Variants in DSG3 observed in about 807,000 individuals in gnomAD.
The protein encoded by DSG3 is desmoglein-3.
DSG3 carries 63 observed loss-of-function variants against 85.9 expected under a neutral mutation model. That is an observed-to-expected ratio of 0.73 (90% CI 0.60 to 0.90). The LOEUF is 0.90. Ranked by LOEUF, DSG3 falls within the 40% of genes least tolerant of loss-of-function variation. DSG3 has a pLI of 0.00. For missense variants in DSG3, 1,220 were observed against 1,219.9 expected (o/e 1.00, Z 0.00); for synonymous variants, 447 against 441.9 (o/e 1.01, Z -0.14).
chr18:31,472,167 A>G, intron 12 of DSG3, 117 bp from the exon 13 acceptor site: 1 of 1,475,714 alleles, frequency 6.8e-7, no homozygotes, highest in Non-Finnish European at 9.2e-7. Flanking sequence ...TTCATTAGGA[A>G]TTTTCTACAA....
intron 1 of DSG3, among the ~76,000 whole-genome samples, chr18:31,450,592 T>C (rs2072705765): frequency 6.6e-6 from 1 of 152,208 alleles, no homozygotes; most frequent in African/African-American, 2.4e-5. Context: ...GGTTTTGTAA[T>C]AATCCACCAT....
Position 31,464,131 on chromosome 18 carries a change from A to T in DSG3, c.1020A>T (p.Leu340=), listed in dbSNP as rs773689509. The change falls in exon 9 of 16, where the codon CTA becomes CTT. Residue 340 remains leucine (L), a synonymous_variant. Transcript: ENST00000257189. ...TCCAGGCTCTAGATTATGAACAACT[A>T]CAAAGCGTGAAACTTAGTATTGCTG... is the stretch of plus-strand genomic sequence containing the variant. ...KVVKALDYEQ[L]QSVKLSIAVK... 1.2e-6 allele frequency: 2 copies of T among 1,613,870 alleles called. No individual in the cohort carries two copies. Among genetic ancestry groups the T allele is most frequent in the South Asian group, 2.2e-5 (2 of 90,998 alleles).
chr18:31,460,573 A>G (rs1025322579), intron 6 of DSG3, among the ~76,000 whole-genome samples: 1 of 152,096 alleles, frequency 6.6e-6, no homozygotes, highest in Admixed American at 6.5e-5. Context: ...AAGCTCCATA[A>G]GTGAGCTTAT....
Position 31,472,289 on chromosome 18 carries a change from C to T in DSG3, c.1903C>T (p.Pro635Ser). 6.2e-7 allele frequency: 1 copy of T among 1,614,074 alleles called. No individual in the cohort carries two copies. Among genetic ancestry groups the T allele is most frequent in the Non-Finnish European group, 8.5e-7 (1 of 1,179,998 alleles). Residue 635 changes from proline (P) to serine (S), a missense_variant, in exon 13 of 16, where the codon CCC becomes TCC. Coordinates refer to ENST00000257189, the MANE Select transcript of DSG3 (RefSeq NM_001944.3). ...LLGLLLLLLAPLLLLTCDCGA... is the reference protein window; with the variant it reads ...LLGLLLLLLASLLLLTCDCGA... ...TTTGTTTTGTTTTTCACTAGTGGCC[C>T]CCCTTCTGCTGTTGACCTGTGACTG...
intron 8 of DSG3, among the ~76,000 whole-genome samples, chr18:31,462,104 A>T (rs1261867422): frequency 6.8e-6 from 1 of 146,758 alleles, no homozygotes; most frequent in East Asian, 2.0e-4. Flanking sequence ...ACAAGGTCTC[A>T]CTCTGTCATC....
intron 5 of DSG3, 32 bp downstream of exon 5, chr18:31,459,209 T>A (rs1207869103): frequency 6.3e-7 from 1 of 1,579,778 alleles, no homozygotes; most frequent in South Asian, 1.2e-5. Context: ...CCACTTTCAG[T>A]TTATCTACTT....
chr18:31,450,875 C>A (rs932169544), intron 1 of DSG3, among the ~76,000 whole-genome samples: 1 of 152,094 alleles, frequency 6.6e-6, no homozygotes, highest in Non-Finnish European at 1.5e-5. Context: ...TGGGGTAATT[C>A]TTGATAACTT....
intron 5 of DSG3, among the ~76,000 whole-genome samples, chr18:31,459,625 G>A (rs2072770816): frequency 6.6e-6 from 1 of 152,160 alleles, no homozygotes; most frequent in African/African-American, 2.4e-5. Flanking sequence ...CAAACGTAAG[G>A]CTTAGAGAGA....
intron 1 of DSG3, among the ~76,000 whole-genome samples, chr18:31,449,432 G>A (rs1289927819): frequency 6.6e-6 from 1 of 152,114 alleles, no homozygotes; most frequent in Non-Finnish European, 1.5e-5. Context: ...ATTGCCATGA[G>A]GACATAGGAT....
At chr18:31,448,274 A>G (rs1412931357) in intron 1 of DSG3, among the ~76,000 whole-genome samples, 1 of 152,236 alleles carries the variant, frequency 6.6e-6, no homozygotes, top group East Asian at 1.9e-4. Flanking sequence ...ACAAGAACAC[A>G]GGAGCCACTT....
chr18:31,474,272 A>G lies in DSG3; in HGVS notation c.2253A>G (p.Ala751=). ...CAGGAGCTGCTTCAGGATTCGGAGC[A>G]GCCACTGGAGTTGGCATCTGTTCCT... ...TVSGAASGFG[A]ATGVGICSSG... The change falls in exon 15 of 16, where the codon GCA becomes GCG. Residue 751 remains alanine (A), a synonymous_variant. Coordinates refer to ENST00000257189, the MANE Select transcript of DSG3 (RefSeq NM_001944.3). 1 of 1,614,208 alleles carries G rather than the reference A, an allele frequency of 6.2e-7. No homozygotes were observed. Among genetic ancestry groups the G allele is most frequent in the Non-Finnish European group, 8.5e-7 (1 of 1,180,042 alleles).
At chr18:31,458,972 A>C in intron 4 of DSG3, 61 bp from the exon 5 acceptor site, 1 of 1,569,910 alleles carries the variant, frequency 6.4e-7, no homozygotes, top group Non-Finnish European at 8.6e-7. Context: ...TATTTATACA[A>C]GTTTTAATAG....
At chr18:31,455,084 G>A (rs909395099) in intron 1 of DSG3, among the ~76,000 whole-genome samples, 4 of 151,550 alleles carry the variant, frequency 2.6e-5, no homozygotes, top group African/African-American at 7.3e-5. Context: ...AGGCTACTGC[G>A]GTCGCTATCC....
intron 12 of DSG3, among the ~76,000 whole-genome samples, chr18:31,471,824 G>C (rs956272918): frequency 7.2e-5 from 11 of 152,188 alleles, no homozygotes; most frequent in African/African-American, 2.7e-4. Flanking sequence ...ACTGTTTACT[G>C]AGAGATAATT....
Position 31,474,350 on chromosome 18 carries a change from G to A in DSG3, c.2331G>A (p.Lys777=). 2 of 1,614,170 alleles carry A rather than the reference G, an allele frequency of 1.2e-6. No homozygotes were observed. The highest frequency in any genetic ancestry group is 2.2e-5 in the South Asian group (2 of 91,082). ...GGCATTCCACTGGAGGAACCAATAAGGACTACGCTGATGGGGCGATAAGCA... is the reference window on the plus strand; with the variant it reads ...GGCATTCCACTGGAGGAACCAATAAAGACTACGCTGATGGGGCGATAAGCA... ...RTRHSTGGTN[K]DYADGAISMN... is the part of the protein sequence containing the mutation. Residue 777 remains lysine (K), a synonymous_variant, in exon 15 of 16, where the codon AAG becomes AAA. Transcript: ENST00000257189.
intron 9 of DSG3, among the ~76,000 whole-genome samples, chr18:31,464,661 AC>A (rs2072806071): frequency 1.3e-5 from 2 of 152,322 alleles, no homozygotes; most frequent in Middle Eastern, 3.4e-3. Flanking sequence ...ATGGAAACTT[AC>A]AGTTGAGTCT....
chr18:31,464,377 T>A lies in DSG3; in HGVS notation c.1266T>A (p.Asn422Lys). 6.2e-7 allele frequency: 1 copy of A among 1,606,336 alleles called. No individual in the cohort carries two copies. The highest frequency in any genetic ancestry group is 8.5e-7 in the Non-Finnish European group (1 of 1,175,776). ...AGGACACTAACAAAGCTGCCTCAAA[T>A]GTCAAGTAAGACTATTTTTATTTAT... The part of the protein sequence containing the change: ...IDEDTNKAAS[N>K]VKYVMGRNDG... The change falls in exon 9 of 16, where the codon AAT (asparagine) becomes AAA (lysine). Residue 422 changes from asparagine to lysine, a missense_variant. Asn to Lys is a moderately conservative substitution (Grantham distance 94). Coordinates refer to ENST00000257189, the MANE Select transcript of DSG3 (RefSeq NM_001944.3).
chr18:31,457,837 G>T (rs1192494533), intron 3 of DSG3, among the ~76,000 whole-genome samples: 1 of 151,614 alleles, frequency 6.6e-6, no homozygotes, highest in African/African-American at 2.4e-5. Flanking sequence ...CACCATATTG[G>T]CCAGGCTGAT....
intron 8 of DSG3, among the ~76,000 whole-genome samples, chr18:31,463,324 C>G (rs1477103243): frequency 6.6e-6 from 1 of 152,190 alleles, no homozygotes; most frequent in Non-Finnish European, 1.5e-5. Context: ...AATGCTTGAG[C>G]ACACAAAGCC....
Sources: gnomAD v4.1 joint callset for allele counts (sites outside exome capture counted in the v4.1 genomes callset) on GRCh38, gnomAD v4.1.1 for gene constraint, MANE v1.5 for transcripts, NCBI Gene and HGNC (gene_info 2026-07-23, HGNC 2026-07-21) for gene names.